C3orf20: variants seen among roughly 807,000 people sequenced by gnomAD.
C3orf20 encodes family with sequence similarity 149 member C.
In C3orf20, 76 loss-of-function variants were observed where a neutral mutation model predicts 88.3. The observed-to-expected ratio is 0.86, with a 90% CI of 0.72 to 1.04. C3orf20 has a LOEUF of 1.04. C3orf20 is among the 50% of genes least tolerant of loss of function. C3orf20 has a pLI of 0.00. For synonymous variants in C3orf20, 436 were observed against 437.4 expected, an observed-to-expected ratio of 1.00 and a Z score of 0.04; for missense variants, 1,056 against 1,123.3, an observed-to-expected ratio of 0.94 and a Z score of 0.86.
In C3orf20 at chr3:14,703,285, C is replaced by T. The variant is rs373433814; in HGVS notation, c.878+23C>T. 3.1e-5 allele frequency: 50 copies of T among 1,613,308 alleles called. 1 individual carries two copies. The highest frequency in any genetic ancestry group is 3.3e-4 in the Middle Eastern group (2 of 5,978). On this transcript the variant is annotated intron_variant, in intron 6 of 16. Coordinates refer to ENST00000253697, the MANE Select transcript of C3orf20 (RefSeq NM_032137.5). The stretch of plus-strand genomic sequence containing the variant: ...CATGTGAGCACCTCAGTGCTTGGGT[C>T]GGGGGAGTCAAGGGTTCTCAGAAAG...
At chr3:14,677,290 A>G (rs1247419521) in intron 1 of C3orf20, among the ~76,000 whole-genome samples, 1 of 152,146 alleles carries the variant, frequency 6.6e-6, no homozygotes, top group Non-Finnish European at 1.5e-5. Context: ...GGGTGGAGGT[A>G]TGCCCTCTCT....
At position 14,757,426 on chromosome 3, in the gene C3orf20, T is replaced by A; in HGVS notation, c.1996T>A (p.Cys666Ser). The A allele has an allele frequency of 6.2e-7, 1 of 1,612,146 alleles. No homozygotes were observed. Among genetic ancestry groups the A allele is most frequent in the Middle Eastern group, 2.2e-4 (1 of 4,570 alleles). The change falls in exon 13 of 17, where the codon TGC becomes AGC. Residue 666 changes from cysteine (C) to serine (S), a missense_variant. Transcript: ENST00000253697. ...CAGGTGGGCGGCCTTGCCCTCAGAC[T>A]GCCCGCTGGTGCTGCGGAAGCTCAT... Reference protein sequence around the residue: ...PTRWAALPSDCPLVLRKLMLK... With the variant: ...PTRWAALPSDSPLVLRKLMLK...
intron 12 of C3orf20, among the ~76,000 whole-genome samples, chr3:14,752,583 A>C (rs927438095): frequency 1.3e-5 from 2 of 152,210 alleles, no homozygotes; most frequent in African/African-American, 4.8e-5. Flanking sequence ...TTTGCAATCT[A>C]TCCATCTGAC....
intron 12 of C3orf20, among the ~76,000 whole-genome samples, chr3:14,751,903 T>C (rs955851470): frequency 4.5e-4 from 69 of 152,214 alleles, no homozygotes; most frequent in African/African-American, 1.6e-3. Context: ...ATGGCCATAC[T>C]ACCCAAGATA....
At chr3:14,694,384 A>G (rs2124915435) in intron 5 of C3orf20, among the ~76,000 whole-genome samples, 1 of 152,154 alleles carries the variant, frequency 6.6e-6, no homozygotes, top group South Asian at 2.1e-4. Context: ...TGGTCTGTTC[A>G]GGTTTTGGAT....
chr3:14,753,484 T>C (rs940473294), intron 12 of C3orf20, among the ~76,000 whole-genome samples: 1 of 152,206 alleles, frequency 6.6e-6, no homozygotes, highest in Admixed American at 6.5e-5. Flanking sequence ...ACTTAAACTG[T>C]AATAATAATA....
At chr3:14,689,331 A>G (rs2032597619) in intron 4 of C3orf20, among the ~76,000 whole-genome samples, 1 of 152,174 alleles carries the variant, frequency 6.6e-6, no homozygotes, top group South Asian at 2.1e-4. Context: ...TAGGAGGTCA[A>G]ATTTGCCATT....
In C3orf20 at chr3:14,690,977, C is replaced by T. The variant is rs577293822; in HGVS notation, c.745+861C>T. ...TTGACCCGCCTTCCTCAGCCCTCAC[C>T]TCCATGTTGGTAAAAGGGGGATGGT... On this transcript the variant is annotated intron_variant, in intron 5 of 16. Transcript: ENST00000253697. 3.9e-5 allele frequency among the ~76,000 whole-genome samples: 6 copies of T among 152,358 alleles called. No individual in the cohort carries two copies. The East Asian group carries it at 1.2e-3, about 29-fold the overall frequency.
At chr3:14,771,642 A>G (rs372748165) in intron 15 of C3orf20, among the ~76,000 whole-genome samples, 35 of 152,156 alleles carry the variant, frequency 2.3e-4, no homozygotes, top group South Asian at 2.3e-3. Flanking sequence ...GTCTGCAGCG[A>G]CCCTATTTCC....
rs1277567993 is a variant in C3orf20, at chr3:14,690,019, C to T, written c.648C>T (p.Ala216=). 6.2e-7 allele frequency: 1 copy of T among 1,614,184 alleles called. No individual in the cohort carries two copies. Among genetic ancestry groups the T allele is most frequent in the Non-Finnish European group, 8.5e-7 (1 of 1,180,026 alleles). Residue 216 remains alanine, a synonymous_variant, in exon 5 of 17, where the codon GCC becomes GCT. Coordinates refer to ENST00000253697, the MANE Select transcript of C3orf20 (RefSeq NM_032137.5). ...CAGAGTCCCTCGCAAACATGTCCGCCATTGGGGTGAACTCGCCTTACCAGC... is the reference window on the plus strand; with the variant it reads ...CAGAGTCCCTCGCAAACATGTCCGCTATTGGGGTGAACTCGCCTTACCAGC... ...LWKESLANMS[A]IGVNSPYQLI... is the part of the protein sequence containing the mutation.
chr3:14,750,021 A>G (rs1347334717), intron 12 of C3orf20, among the ~76,000 whole-genome samples: 1 of 152,072 alleles, frequency 6.6e-6, no homozygotes, highest in South Asian at 2.1e-4. Context: ...AAAGTTACAA[A>G]CTGAAAAATA....
In C3orf20 at chr3:14,682,906, G is replaced by A. The variant is rs9821143; in HGVS notation, c.193G>A (p.Asp65Asn). Residue 65 changes from aspartate (D) to asparagine (N), a missense_variant, in exon 3 of 17, where the codon GAC becomes AAC. Asp to Asn is a conservative substitution (Grantham distance 23). Transcript: ENST00000253697. ...ISDPSVPTPS[D>N]ILGLEVSFGA... Reference sequence around the variant, plus strand: ...TGACCCTTCAGTGCCTACCCCGTCCGACATCTTGGGCCTGGAGGTCAGCTT... The same window carrying A: ...TGACCCTTCAGTGCCTACCCCGTCCAACATCTTGGGCCTGGAGGTCAGCTT... 0.35 allele frequency: 558,431 copies of A among 1,613,792 alleles called. 98,378 individuals carry two copies. Among genetic ancestry groups the A allele is most frequent in the Admixed American group, 0.44 (26,529 of 59,992 alleles).
chr3:14,749,861 T>C (rs1032637336), intron 12 of C3orf20, among the ~76,000 whole-genome samples: 6 of 152,200 alleles, frequency 3.9e-5, no homozygotes, highest in East Asian at 1.9e-4. Context: ...TACAAAGTTA[T>C]CTGCTCCCGT....
At chr3:14,739,423 T>G (rs2034832441) in intron 12 of C3orf20, among the ~76,000 whole-genome samples, 1 of 152,244 alleles carries the variant, frequency 6.6e-6, no homozygotes, top group Admixed American at 6.5e-5. Context: ...CAGTATACTA[T>G]TCTGTGAATA....
chr3:14,690,133 G>A lies in C3orf20; in HGVS notation c.745+17G>A, dbSNP rs201159660. 322 of 1,613,756 alleles carry A rather than the reference G, an allele frequency of 2.0e-4. 1 individual carries two copies. Among genetic ancestry groups the A allele is most frequent in the East Asian group, 1.8e-3 (82 of 44,864 alleles). ...AGAAAATAGGTAAAAATGGTTCCTC[G>A]TGGCCTACCATTCATTGGTGGTGGC... On this transcript the variant is annotated intron_variant, in intron 5 of 16. Coordinates refer to ENST00000253697, the MANE Select transcript of C3orf20 (RefSeq NM_032137.5).
chr3:14,697,481 A>G (rs1426991003), intron 5 of C3orf20, among the ~76,000 whole-genome samples: 1 of 152,080 alleles, frequency 6.6e-6, no homozygotes, highest in Admixed American at 6.6e-5. Context: ...TCCTCAGTAT[A>G]TCAATTGCAT....
In C3orf20 at chr3:14,678,819, GAGACCATATGGA is replaced by G. The variant is rs531843539; in HGVS notation, c.-298-3349_-298-3338del. Among the ~76,000 whole-genome samples the G allele has an allele frequency of 1.7e-3, 260 of 152,308 alleles. 1 individual carries two copies. Among genetic ancestry groups the G allele is most frequent in the Non-Finnish European group, 3.0e-3 (202 of 68,036 alleles). On this transcript the variant is annotated intron_variant, in intron 1 of 16. Transcript: ENST00000253697. The stretch of plus-strand genomic sequence containing the variant: ...GCCCCTGCCCTCCAATTGCAGAGAT[GAGACCATATGGA>G]ACACAATTAGCCATTAAAGACAATA...
chr3:14,675,579 T>C lies in C3orf20; in HGVS notation c.-299+327T>C, dbSNP rs74750978. On this transcript the variant is annotated intron_variant, in intron 1 of 16. Coordinates refer to ENST00000253697, the MANE Select transcript of C3orf20 (RefSeq NM_032137.5). The stretch of plus-strand genomic sequence containing the variant: ...TAAATCCCAGGCTGCATCTATATAG[T>C]CACTCATAGTAAGTGTGTGTTTGTC... Among the ~76,000 whole-genome samples, 3 of 152,330 alleles carry C rather than the reference T, an allele frequency of 2.0e-5. No homozygotes were observed. In the East Asian group the frequency reaches 5.8e-4, roughly 29 times the overall value.
Position 14,682,448 on chromosome 3 carries a change from G to T in C3orf20, c.-137+117G>T, listed in dbSNP as rs887718730. On this transcript the variant is annotated intron_variant, in intron 2 of 16. Transcript: ENST00000253697. ...TTTCCTGGAACCATACTTATCATCA[G>T]ACCTTTCCCAAAGTGACTCACTAAC... 4 of 475,018 alleles carry T rather than the reference G, an allele frequency of 8.4e-6. No homozygotes were observed. In the South Asian group the frequency reaches 1.2e-4, roughly 14 times the overall value. The allele number at this position is 475,018 out of a possible 1,614,324, so 29.4% of individuals were successfully genotyped here. A position where few individuals can be genotyped will look rare whatever the true frequency, so the allele number is the denominator to read the frequency against.
Sources: allele counts gnomAD v4.1 joint callset (sites outside exome capture counted in the v4.1 genomes callset), GRCh38; gene constraint gnomAD v4.1.1; transcripts MANE v1.5; gene names NCBI Gene and HGNC (gene_info 2026-07-23, HGNC 2026-07-21).